RFFL: variants seen among roughly 807,000 people sequenced by gnomAD.
The protein encoded by RFFL is ring finger and FYVE like domain containing E3 ubiquitin protein ligase.
In RFFL, 16 loss-of-function variants were observed where a neutral mutation model predicts 40.4. That is an observed-to-expected ratio of 0.40 (90% CI 0.27 to 0.60). The LOEUF is 0.60. RFFL is among the 20% of genes least tolerant of loss of function. The pLI is 0.47. For missense variants in RFFL, 367 were observed against 451.7 expected (o/e 0.81, Z 1.70); for synonymous variants, 154 against 167.9 (o/e 0.92, Z 0.64).
At position 35,044,275 on chromosome 17, in the gene RFFL, T is replaced by C. The variant is rs2091183989; in HGVS notation, c.-8-17714A>G. On this transcript the variant is annotated intron_variant, in intron 1 of 6. Coordinates refer to ENST00000394597, the MANE Select transcript of RFFL (RefSeq NM_001017368.2). ...TTTTATTTTTTTTGTAGAGACAGGG[T>C]CTATGTTACCCAGACTGGTCTTTGA... Among the ~76,000 whole-genome samples, 3 of 152,074 alleles carry C rather than the reference T, an allele frequency of 2.0e-5. No homozygotes were observed. In the South Asian group the frequency reaches 6.2e-4, roughly 32 times the overall value.
In RFFL at chr17:35,079,197, A is replaced by C. The variant is rs537893768; in HGVS notation, c.-9+9908T>G. ...ACCACCATGCCTGGCAAATTTTTGT[A>C]TTTTTAGTAGAGACGAGGGTTTCAC... On this transcript the variant is annotated intron_variant, in intron 1 of 6. Coordinates refer to the RFFL transcript ENST00000315249. Among the ~76,000 whole-genome samples, 29 of 152,058 alleles carry C rather than the reference A, an allele frequency of 1.9e-4. No homozygotes were observed. The South Asian group carries it at 4.4e-3, about 23-fold the overall frequency.
At chr17:35,046,432 G>A (rs1213934298) in intron 1 of RFFL, among the ~76,000 whole-genome samples, 2 of 152,138 alleles carry the variant, frequency 1.3e-5, no homozygotes, top group African/African-American at 4.8e-5. Flanking sequence ...GACACACCCA[G>A]GTCTGGGTGT....
At chr17:35,045,885 G>A (rs770183864) in intron 1 of RFFL, among the ~76,000 whole-genome samples, 4 of 151,978 alleles carry the variant, frequency 2.6e-5, no homozygotes, top group African/African-American at 7.2e-5. Context: ...TTAGCTGGGC[G>A]TGGTGGTGTA....
At chr17:35,024,026 T>C (rs565622813) in intron 2 of RFFL, among the ~76,000 whole-genome samples, 6 of 152,272 alleles carry the variant, frequency 3.9e-5, no homozygotes, top group South Asian at 4.1e-4. Context: ...GCCGAATGGT[T>C]CAAAACAACT....
At chr17:35,012,209 G>T (rs2090945330) in intron 6 of RFFL, 60 bp from the exon 7 acceptor site, 1 of 1,459,902 alleles carries the variant, frequency 6.8e-7, no homozygotes, top group Non-Finnish European at 9.4e-7. Context: ...TGTCTTAAGT[G>T]TATAGGGGTG....
At position 35,006,011 on chromosome 17, in the gene RFFL, T is replaced by G; in HGVS notation, c.*5957A>C. 1 of 244,130 alleles carries G rather than the reference T, an allele frequency of 4.1e-6. No homozygotes were observed. The allele number at this position is 244,130 out of a possible 1,614,324, so 15.1% of individuals were successfully genotyped here. ...TGAGTGGCATTTTCTTCTTAGTTTT[T>G]AATTTCTTAAAGAAAATATACTCCA... On this transcript the variant is annotated 3_prime_UTR_variant, in exon 7 of 7. Coordinates refer to ENST00000394597, the MANE Select transcript of RFFL (RefSeq NM_001017368.2).
chr17:35,012,257 AAAC>A lies in RFFL; in HGVS notation c.911-111_911-109del, dbSNP rs1374610512. On this transcript the variant is annotated intron_variant, in intron 6 of 6. Coordinates refer to ENST00000394597, the MANE Select transcript of RFFL (RefSeq NM_001017368.2). ...AGGTGGGAGATAACAGGTACATTGT[AAAC>A]AAAGTCTCAGTGCACATGCTTCCCT... 82 of 921,950 alleles carry A rather than the reference AAAC, an allele frequency of 8.9e-5. 1 individual carries two copies. Among genetic ancestry groups the A allele is most frequent in the Non-Finnish European group, 1.3e-4 (78 of 620,432 alleles). 57.1% of individuals were successfully genotyped at this position (921,950 alleles called of 1,614,324 possible). A position where few individuals can be genotyped will look rare whatever the true frequency, so the allele number is the denominator to read the frequency against.
chr17:35,013,623 A>G (rs2090954584), intron 6 of RFFL, among the ~76,000 whole-genome samples: 1 of 152,200 alleles, frequency 6.6e-6, no homozygotes, highest in Non-Finnish European at 1.5e-5. Context: ...TGTGAAAGGG[A>G]GTGAAACCCA....
chr17:35,009,106 A>AG lies in RFFL; in HGVS notation c.*2861dup, dbSNP rs776156204. 30 of 152,682 alleles carry AG rather than the reference A, an allele frequency of 2.0e-4. No individual in the cohort carries two copies. Among genetic ancestry groups the AG allele is most frequent in the Admixed American group, 6.5e-5 (1 of 15,290 alleles). 9.5% of individuals were successfully genotyped at this position (152,682 alleles called of 1,614,324 possible). On this transcript the variant is annotated 3_prime_UTR_variant, in exon 7 of 7. Coordinates refer to ENST00000394597, the MANE Select transcript of RFFL (RefSeq NM_001017368.2). ...AACCTCTAACATCCTCGCACCAGAC[A>AG]GGACAGGTGTCTGTATTGAAACTTT...
chr17:35,013,839 G>A (rs2090956522), intron 6 of RFFL, among the ~76,000 whole-genome samples: 1 of 152,218 alleles, frequency 6.6e-6, no homozygotes, highest in Non-Finnish European at 1.5e-5. Context: ...TGGTACCGGT[G>A]ATGCTGGGGG....
At chr17:35,084,718 C>T (rs942562901) in intron 1 of RFFL, among the ~76,000 whole-genome samples, 1 of 148,548 alleles carries the variant, frequency 6.7e-6, no homozygotes, top group African/African-American at 2.6e-5. Context: ...AGTGAAAACC[C>T]GTCTCTACTA....
At chr17:35,035,355 G>A (rs946651964) in intron 1 of RFFL, among the ~76,000 whole-genome samples, 1 of 151,308 alleles carries the variant, frequency 6.6e-6, no homozygotes, top group Non-Finnish European at 1.5e-5. Flanking sequence ...GTTGCAGTGA[G>A]CTGAAATTGC....
At chr17:35,083,867 TG>T (rs1264162728) in intron 1 of RFFL, among the ~76,000 whole-genome samples, 1 of 151,188 alleles carries the variant, frequency 6.6e-6, no homozygotes, top group East Asian at 2.0e-4. Context: ...CAGGAGATAA[TG>T]CCCCCCCCAC....
chr17:35,053,644 A>T (rs1393638212), intron 1 of RFFL, among the ~76,000 whole-genome samples: 1 of 152,224 alleles, frequency 6.6e-6, no homozygotes. Context: ...CCTACTTTGC[A>T]GGAGGATCAC....
chr17:35,033,731 GCA>G (rs1431227122), intron 1 of RFFL, among the ~76,000 whole-genome samples: 4 of 151,802 alleles, frequency 2.6e-5, no homozygotes, highest in African/African-American at 9.7e-5. Context: ...AAGGGGCTGG[GCA>G]CAGTGGCTTA....
intron 1 of RFFL, among the ~76,000 whole-genome samples, chr17:35,078,309 A>T (rs906643077): frequency 6.6e-6 from 1 of 151,950 alleles, no homozygotes; most frequent in African/African-American, 2.4e-5. Context: ...GATTTTTATT[A>T]TTTTTTTTCT....
At chr17:35,086,924 C>T (rs1481526780) in intron 1 of RFFL, among the ~76,000 whole-genome samples, 1 of 152,206 alleles carries the variant, frequency 6.6e-6, no homozygotes, top group East Asian at 1.9e-4. Context: ...TTAGGCATGA[C>T]GCTCATAGAG....
At chr17:35,069,322 C>A in intron 1 of RFFL, 2 of 456,486 alleles carry the variant, frequency 4.4e-6, no homozygotes, top group East Asian at 6.9e-5. Flanking sequence ...GTCTAGGGGG[C>A]CTTTGTCAAC....
upstream of RFFL, among the ~76,000 whole-genome samples, chr17:35,065,814 T>G (rs2091318479): frequency 6.6e-6 from 1 of 152,220 alleles, no homozygotes; most frequent in Non-Finnish European, 1.5e-5. Flanking sequence ...GTGGAAAGGT[T>G]GAGGATTACA....
Sources: allele counts gnomAD v4.1 joint callset (sites outside exome capture counted in the v4.1 genomes callset), GRCh38; gene constraint gnomAD v4.1.1; transcripts MANE v1.5; gene names NCBI Gene and HGNC (gene_info 2026-07-23, HGNC 2026-07-21).